The following FSTL5 variants were observed in gnomAD, a reference collection of about 807,000 sequenced individuals.
FSTL5 encodes follistatin like 5, also known as follistatin-related protein 5.
Under a neutral mutation model 89.1 loss-of-function variants are expected in FSTL5, and 62 were observed. The observed-to-expected ratio is 0.70, with a 90% CI of 0.57 to 0.86. FSTL5 has a LOEUF of 0.86. Among genes scored for constraint, FSTL5 ranks in the 40% least tolerant of loss-of-function variants. The pLI is 0.00. For synonymous variants in FSTL5, 383 were observed against 346.2 expected (o/e 1.11, Z -1.18); for missense variants, 1,057 against 1,001.6 (o/e 1.06, Z -0.75).
At chr4:161,874,646 C>T (rs1732381985) in intron 4 of FSTL5, among the ~76,000 whole-genome samples, 1 of 147,998 alleles carries the variant, frequency 6.8e-6, no homozygotes, top group Admixed American at 6.8e-5. Flanking sequence ...GTCTGTGCTA[C>T]ATTCAGGGTA....
intron 4 of FSTL5, among the ~76,000 whole-genome samples, chr4:161,789,710 A>G (rs1454795000): frequency 6.6e-6 from 1 of 152,204 alleles, no homozygotes; most frequent in Non-Finnish European, 1.5e-5. Context: ...CTTAAAAATT[A>G]TTCTTTACCA....
At chr4:161,564,948 T>A (rs1430100786) in intron 8 of FSTL5, among the ~76,000 whole-genome samples, 1 of 151,958 alleles carries the variant, frequency 6.6e-6, no homozygotes, top group Non-Finnish European at 1.5e-5. Flanking sequence ...ATGATATATT[T>A]TCTATTGATA....
intron 1 of FSTL5, among the ~76,000 whole-genome samples, chr4:162,138,640 T>G (rs1732607405): frequency 6.6e-6 from 1 of 151,984 alleles, no homozygotes; most frequent in African/African-American, 2.4e-5. Context: ...TCAGTGAAGT[T>G]AAAAAAATAA....
At chr4:161,955,637 T>G (rs1735006963) in intron 3 of FSTL5, among the ~76,000 whole-genome samples, 1 of 151,524 alleles carries the variant, frequency 6.6e-6, no homozygotes, top group African/African-American at 2.4e-5. Context: ...ACAAAATACA[T>G]CAAAATGTAA....
At chr4:161,457,066 C>G (rs1213736717) in intron 14 of FSTL5, among the ~76,000 whole-genome samples, 1 of 152,076 alleles carries the variant, frequency 6.6e-6, no homozygotes, top group Non-Finnish European at 1.5e-5. Context: ...TCCACGTGAC[C>G]CAAAGTTGAT....
At chr4:161,769,890 A>G (rs190319853) in intron 5 of FSTL5, among the ~76,000 whole-genome samples, 72 of 151,934 alleles carry the variant, frequency 4.7e-4, no homozygotes, top group African/African-American at 1.5e-3. Flanking sequence ...ATATAATCTT[A>G]TATTTGAAAA....
chr4:161,602,052 T>C (rs879293134), intron 7 of FSTL5, among the ~76,000 whole-genome samples: 3 of 152,000 alleles, frequency 2.0e-5, no homozygotes, highest in South Asian at 2.1e-4. Flanking sequence ...ATGATTAATA[T>C]GTTAATATTT....
chr4:162,047,547 C>T (rs1254784916), intron 2 of FSTL5: 5 of 152,028 alleles, frequency 3.3e-5, no homozygotes, highest in African/African-American at 7.3e-5. Flanking sequence ...ACTATGAGTT[C>T]CGCGAGGTGC....
At chr4:161,617,890 C>T (rs6826495) in intron 7 of FSTL5, among the ~76,000 whole-genome samples, 36,739 of 151,968 alleles carry the variant, frequency 0.24, 4,686 homozygotes, top group East Asian at 0.35. Context: ...GGGGATGGCA[C>T]TGAATCTATA....
intron 4 of FSTL5, among the ~76,000 whole-genome samples, chr4:161,845,840 G>T (rs1731350160): frequency 6.6e-6 from 1 of 152,148 alleles, no homozygotes; most frequent in African/African-American, 2.4e-5. Context: ...GAGGTCAGGA[G>T]TTCGAGACCA....
chr4:161,962,861 T>C (rs1315837080), intron 3 of FSTL5, among the ~76,000 whole-genome samples: 1 of 152,036 alleles, frequency 6.6e-6, no homozygotes, highest in Non-Finnish European at 1.5e-5. Flanking sequence ...CTAATTTAAA[T>C]ACATTCATTT....
chr4:161,609,188 T>C (rs1260946254), intron 7 of FSTL5, among the ~76,000 whole-genome samples: 1 of 152,116 alleles, frequency 6.6e-6, no homozygotes, highest in Non-Finnish European at 1.5e-5. Context: ...CAATGGGCAT[T>C]TGAATAAATT....
At chr4:161,903,600 G>T (rs575958846) in intron 4 of FSTL5, among the ~76,000 whole-genome samples, 27 of 152,004 alleles carry the variant, frequency 1.8e-4, no homozygotes, top group African/African-American at 4.3e-4. Flanking sequence ...CTTTGTTAAA[G>T]AATTCTTAAC....
chr4:161,457,980 A>G (rs954437206), intron 14 of FSTL5, among the ~76,000 whole-genome samples: 8 of 152,216 alleles, frequency 5.3e-5, no homozygotes, highest in Admixed American at 1.3e-4. Context: ...TGCATTTTGA[A>G]GCCCATACCT....
intron 4 of FSTL5, among the ~76,000 whole-genome samples, chr4:161,900,422 T>G (rs998194814): frequency 2.0e-5 from 3 of 151,504 alleles, no homozygotes; most frequent in Non-Finnish European, 4.4e-5. Flanking sequence ...GTGGATCACC[T>G]GAGATCAAGA....
chr4:161,629,139 AC>A (rs1735411837), intron 7 of FSTL5, among the ~76,000 whole-genome samples: 1 of 152,030 alleles, frequency 6.6e-6, no homozygotes, highest in Non-Finnish European at 1.5e-5. Context: ...AGGCAGCAGA[AC>A]CCTGTGGCTG....
chr4:161,923,279 T>A (rs2110871111), intron 3 of FSTL5, among the ~76,000 whole-genome samples: 1 of 137,166 alleles, frequency 7.3e-6, no homozygotes, highest in South Asian at 2.4e-4. Context: ...TAAACTCTGT[T>A]AAATTTAATT....
intron 6 of FSTL5, among the ~76,000 whole-genome samples, chr4:161,683,278 G>T: frequency 6.6e-6 from 1 of 152,006 alleles, no homozygotes; most frequent in African/African-American, 2.4e-5. Context: ...GAATTTTTTG[G>T]CTCCATGGTA....
chr4:161,623,412 A>C (rs1298604669), intron 7 of FSTL5, among the ~76,000 whole-genome samples: 4 of 151,960 alleles, frequency 2.6e-5, no homozygotes, highest in African/African-American at 9.7e-5. Context: ...ATTAGATTAC[A>C]TAAATTATCC....
Sources: gnomAD v4.1 joint callset for allele counts (sites outside exome capture counted in the v4.1 genomes callset) on GRCh38, gnomAD v4.1.1 for gene constraint, MANE v1.5 for transcripts, NCBI Gene and HGNC (gene_info 2026-07-23, HGNC 2026-07-21) for gene names.